IPMK: variants seen among roughly 807,000 people sequenced by gnomAD.
IPMK encodes the protein inositol 1,3,4,6-tetrakisphosphate 5-kinase.
A neutral mutation model predicts 45.8 loss-of-function variants in IPMK; 17 were observed. The observed-to-expected ratio is 0.37, with a 90% confidence interval of 0.25 to 0.56. The LOEUF (loss-of-function observed/expected upper bound fraction) is 0.56, where lower values mean the gene tolerates loss of function less well. Ranked by LOEUF, IPMK falls within the 20% of genes least tolerant of loss-of-function variation. The pLI is 0.79. For synonymous variants in IPMK, 180 were observed against 184.3 expected, an observed-to-expected ratio of 0.98 and a Z score of 0.19; for missense variants, 399 against 498.0, an observed-to-expected ratio of 0.80 and a Z score of 1.89.
chr10:58,240,657 GAA>G (rs200716414), intron 1 of IPMK, among the ~76,000 whole-genome samples: 2,073 of 113,960 alleles, frequency 0.018, 47 homozygotes, highest in African/African-American at 0.061. Context: ...CATACACCAC[GAA>G]AAAAAAAAAA....
intron 4 of IPMK, among the ~76,000 whole-genome samples, chr10:58,204,342 G>A (rs982842722): frequency 3.9e-5 from 6 of 151,994 alleles, no homozygotes; most frequent in African/African-American, 1.2e-4. Context: ...AGGTGTAGGA[G>A]GACAGAATGA....
intron 1 of IPMK, among the ~76,000 whole-genome samples, chr10:58,245,094 A>T (rs1172837210): frequency 6.6e-6 from 1 of 151,534 alleles, no homozygotes; most frequent in Non-Finnish European, 1.5e-5. Context: ...AAAAATTAAA[A>T]AATACAAAAA....
At chr10:58,232,296 T>A (rs1186368958) in intron 2 of IPMK, among the ~76,000 whole-genome samples, 1 of 152,180 alleles carries the variant, frequency 6.6e-6, no homozygotes, top group Non-Finnish European at 1.5e-5. Flanking sequence ...TTAATAAGGA[T>A]ATCCAGGAGT....
At chr10:58,210,746 G>T (rs960577487) in intron 4 of IPMK, among the ~76,000 whole-genome samples, 3 of 152,146 alleles carry the variant, frequency 2.0e-5, no homozygotes, top group African/African-American at 7.2e-5. Context: ...ATTCACTCAG[G>T]GGGTATGTGT....
intron 3 of IPMK, among the ~76,000 whole-genome samples, chr10:58,222,190 G>A (rs1224180052): frequency 6.6e-6 from 1 of 152,168 alleles, no homozygotes; most frequent in Non-Finnish European, 1.5e-5. Flanking sequence ...TGGTAAGATA[G>A]ATGTGTTCTA....
At chr10:58,201,718 A>G (rs571560199) in intron 4 of IPMK, among the ~76,000 whole-genome samples, 1 of 152,358 alleles carries the variant, frequency 6.6e-6, no homozygotes, top group South Asian at 2.1e-4. Flanking sequence ...TTAACTTAGT[A>G]AGGAAGGCAT....
At chr10:58,230,402 G>T (rs1204001253) in intron 2 of IPMK, among the ~76,000 whole-genome samples, 1 of 152,186 alleles carries the variant, frequency 6.6e-6, no homozygotes, top group Non-Finnish European at 1.5e-5. Flanking sequence ...CCCCCAGTAG[G>T]GGCCAACAGA....
intron 1 of IPMK, among the ~76,000 whole-genome samples, chr10:58,252,527 G>A (rs1355578318): frequency 6.6e-6 from 1 of 150,558 alleles, no homozygotes; most frequent in African/African-American, 2.4e-5. Flanking sequence ...TGGAAGTCTG[G>A]TGTACAGATT....
chr10:58,222,813 GA>G (rs1442297974), intron 3 of IPMK, among the ~76,000 whole-genome samples: 4 of 152,112 alleles, frequency 2.6e-5, no homozygotes, highest in Non-Finnish European at 5.9e-5. Context: ...CTTTACCAAG[GA>G]TATTGTTTTC....
rs554743767 is a variant in IPMK at position 58,211,126 on chromosome 10, G to A, written c.546+5019C>T. On this transcript the variant is annotated intron_variant, in intron 4 of 5. Coordinates refer to ENST00000373935, the MANE Select transcript of IPMK (RefSeq NM_152230.5). ...AGGGATAATAGTGATAATGGGACTC[G>A]AGAAGTTTAGGAATCAAGATCAGTA... Among the ~76,000 whole-genome samples, 8 of 151,870 alleles carry A rather than the reference G, an allele frequency of 5.3e-5. No individual in the cohort carries two copies. In the East Asian group the frequency reaches 1.2e-3, roughly 22 times the overall value.
intron 1 of IPMK, among the ~76,000 whole-genome samples, chr10:58,266,066 C>T (rs1839142634): frequency 1.3e-5 from 2 of 152,204 alleles, no homozygotes; most frequent in African/African-American, 4.8e-5. Flanking sequence ...TTACAAGACA[C>T]TGGCACACAG....
rs1839173219 is a variant in IPMK at position 58,267,654 on chromosome 10, A to T, written c.-43T>A. The T allele has an allele frequency of 7.3e-7, 1 of 1,373,196 alleles. No homozygotes were observed. The allele number at this position is 1,373,196 out of a possible 1,614,324, so 85.1% of individuals were successfully genotyped here. On this transcript the variant is annotated 5_prime_UTR_variant, in exon 1 of 6. Transcript: ENST00000373935. ...GTAACGGCAGCGAGAGTAGGAAAAA[A>T]AATAGGGCGAGGGAGGGGGCGCCGG...
Position 58,252,856 on chromosome 10 carries a change from C to T in IPMK, c.190+14566G>A, listed in dbSNP as rs544638943. On this transcript the variant is annotated intron_variant, in intron 1 of 5. Transcript: ENST00000373935. ...CAAACTCCTGACTTCAGGTGATCCACCCACCTCGACCTCCCATAGTGCTAG... is the reference window on the plus strand; with the variant it reads ...CAAACTCCTGACTTCAGGTGATCCATCCACCTCGACCTCCCATAGTGCTAG... Among the ~76,000 whole-genome samples the T allele has an allele frequency of 1.7e-3, 266 of 152,174 alleles. 1 individual carries two copies. The highest frequency in any genetic ancestry group is 5.8e-3 in the African/African-American group (241 of 41,534).
intron 1 of IPMK, among the ~76,000 whole-genome samples, chr10:58,262,092 G>A (rs139904256): frequency 0.061 from 9,223 of 152,096 alleles, 331 homozygotes; most frequent in African/African-American, 0.087. Context: ...GGGGCCTGTC[G>A]TGGGGTTGGG....
chr10:58,213,149 G>A (rs1336818154), intron 4 of IPMK: 1 of 152,234 alleles, frequency 6.6e-6, no homozygotes, highest in Non-Finnish European at 1.5e-5. Flanking sequence ...CATGGAAAAA[G>A]TTATGTCAGT....
At position 58,192,428 on chromosome 10, in the gene IPMK, T is replaced by G. The variant is rs1258647132; in HGVS notation, c.*3648A>C. ...GGAAAGTGAAAAATTAAGGCTTTTT[T>G]ATGCTATCTGTAACTAATACCCAAA... On this transcript the variant is annotated 3_prime_UTR_variant, in exon 6 of 6. Coordinates refer to ENST00000373935, the MANE Select transcript of IPMK (RefSeq NM_152230.5). 1 of 152,064 alleles carries G rather than the reference T, an allele frequency of 6.6e-6. No homozygotes were observed. Among genetic ancestry groups the G allele is most frequent in the African/African-American group, 2.4e-5 (1 of 41,462 alleles). The allele number at this position is 152,064 out of a possible 1,614,324, so 9.4% of individuals were successfully genotyped here.
intron 3 of IPMK, among the ~76,000 whole-genome samples, chr10:58,223,490 A>G (rs1246274817): frequency 6.6e-6 from 1 of 152,144 alleles, no homozygotes; most frequent in African/African-American, 2.4e-5. Flanking sequence ...CTTAATCAAT[A>G]TTGTTGATTT....
chr10:58,262,994 C>T (rs1282086733), intron 1 of IPMK, among the ~76,000 whole-genome samples: 1 of 152,180 alleles, frequency 6.6e-6, no homozygotes, highest in Non-Finnish European at 1.5e-5. Context: ...TCAACAGATG[C>T]CAAATCTAGG....
At chr10:58,259,671 TAAA>T (rs560813021) in intron 1 of IPMK, among the ~76,000 whole-genome samples, 3 of 86,760 alleles carry the variant, frequency 3.5e-5, no homozygotes, top group African/African-American at 1.3e-4. Flanking sequence ...CATCTCTACA[TAAA>T]AAAAAAAAAA....
Sources: allele counts gnomAD v4.1 joint callset (sites outside exome capture counted in the v4.1 genomes callset), GRCh38; gene constraint gnomAD v4.1.1; transcripts MANE v1.5; gene names NCBI Gene and HGNC (gene_info 2026-07-23, HGNC 2026-07-21).